Variants in LIMCH1 observed in about 807,000 individuals in gnomAD.
The protein encoded by LIMCH1 is LIM and calponin homology domains 1, also known as LIM and calponin homology domains-containing protein 1.
Under a neutral mutation model 176.5 loss-of-function variants are expected in LIMCH1, and 113 were observed. That is an observed-to-expected ratio of 0.64 (90% CI 0.55 to 0.75). The LOEUF (loss-of-function observed/expected upper bound fraction) is 0.75. Ranked by LOEUF, LIMCH1 falls within the 30% of genes least tolerant of loss-of-function variation. LIMCH1 has a pLI of 0.00. For missense variants in LIMCH1, 1,674 were observed against 1,814.9 expected, an observed-to-expected ratio of 0.92 and a Z score of 1.41; for synonymous variants, 619 against 645.9, an observed-to-expected ratio of 0.96 and a Z score of 0.63.
At chr4:41,421,698 A>G (rs1264792697) in intron 1 of LIMCH1, among the ~76,000 whole-genome samples, 1 of 152,218 alleles carries the variant, frequency 6.6e-6, no homozygotes, top group Non-Finnish European at 1.5e-5. Context: ...TGAAAGTGTT[A>G]TTTCCAATAT....
chr4:41,434,167 G>A lies in LIMCH1; in HGVS notation c.97-60369G>A, dbSNP rs545309610. 1.4e-4 allele frequency among the ~76,000 whole-genome samples: 22 copies of A among 152,302 alleles called. No homozygotes were observed. The South Asian group carries it at 4.6e-3, about 32-fold the overall frequency. On this transcript the variant is annotated intron_variant, in intron 1 of 26. Transcript: ENST00000313860. ...CCAGATGTTCTGGAATTCTTCCAAG[G>A]GAGGTCTCAGAAGGCAGCTGAGTTA...
intron 28 of LIMCH1, 79 bp from the exon 29 acceptor site, chr4:41,687,761 T>G: frequency 1.2e-6 from 1 of 852,556 alleles, no homozygotes; most frequent in Middle Eastern, 2.4e-4. Flanking sequence ...TTTATTTTCC[T>G]AATCTAAAAT....
chr4:41,594,300 CT>C (rs1406637101), intron 1 of LIMCH1, among the ~76,000 whole-genome samples: 1 of 152,154 alleles, frequency 6.6e-6, no homozygotes, highest in Non-Finnish European at 1.5e-5. Context: ...CCTTTAAAAA[CT>C]TCTTGCAAAG....
chr4:41,588,494 A>G (rs903298100), intron 1 of LIMCH1, among the ~76,000 whole-genome samples: 1 of 152,176 alleles, frequency 6.6e-6, no homozygotes, highest in Non-Finnish European at 1.5e-5. Flanking sequence ...AGGCCCAATC[A>G]TGGCAGCATT....
chr4:41,421,205 T>C (rs1176822035), intron 1 of LIMCH1, among the ~76,000 whole-genome samples: 1 of 152,222 alleles, frequency 6.6e-6, no homozygotes. Context: ...ACTTGGTTCC[T>C]TATGGTAAAG....
chr4:41,481,706 TTGG>T (rs1426129063), intron 1 of LIMCH1, among the ~76,000 whole-genome samples: 4 of 152,082 alleles, frequency 2.6e-5, no homozygotes, highest in Non-Finnish European at 5.9e-5. Context: ...GTTATTCTTC[TTGG>T]TGGTTTGAAT....
At chr4:41,383,296 G>C (rs971749159) in intron 1 of LIMCH1, among the ~76,000 whole-genome samples, 2 of 152,178 alleles carry the variant, frequency 1.3e-5, no homozygotes, top group Non-Finnish European at 2.9e-5. Context: ...CTAGTGGGGA[G>C]ACACACAGAT....
At chr4:41,552,137 T>A (rs1228129143) in intron 1 of LIMCH1, among the ~76,000 whole-genome samples, 3 of 152,100 alleles carry the variant, frequency 2.0e-5, no homozygotes. Context: ...TTATTCACTA[T>A]CAGGAGAACA....
In LIMCH1 at chr4:41,371,253, G is replaced by A. The variant is rs75095055; in HGVS notation, c.96+10317G>A. On this transcript the variant is annotated intron_variant, in intron 1 of 26. Transcript: ENST00000313860. Reference sequence around the variant, plus strand: ...GAGCATCTTCTATATACATAGCACCGTTAGTTGCGAGGAAACAATTTCATC... The same window carrying A: ...GAGCATCTTCTATATACATAGCACCATTAGTTGCGAGGAAACAATTTCATC... 4.5e-3 allele frequency among the ~76,000 whole-genome samples: 690 copies of A among 152,178 alleles called. 13 individuals are homozygous for A. Among genetic ancestry groups the A allele is most frequent in the African/African-American group, 0.016 (663 of 41,498 alleles).
chr4:41,684,635 C>A, intron 27 of LIMCH1, 117 bp downstream of exon 27: 1 of 1,109,294 alleles, frequency 9.0e-7, no homozygotes, highest in South Asian at 1.9e-5. Context: ...CCCTGGACTT[C>A]TAGCTTATGC....
chr4:41,393,390 G>A (rs1032320614), intron 1 of LIMCH1, among the ~76,000 whole-genome samples: 1 of 152,130 alleles, frequency 6.6e-6, no homozygotes, highest in Admixed American at 6.5e-5. Context: ...TCACTGTCAC[G>A]GCAATAAAGT....
At chr4:41,368,416 A>T (rs1038308205) in intron 1 of LIMCH1, among the ~76,000 whole-genome samples, 1 of 152,226 alleles carries the variant, frequency 6.6e-6, no homozygotes, top group Non-Finnish European at 1.5e-5. Context: ...AGGGGGACAG[A>T]GAGATTAAAC....
chr4:41,499,480 A>G (rs2072827696), intron 2 of LIMCH1, among the ~76,000 whole-genome samples: 1 of 152,238 alleles, frequency 6.6e-6, no homozygotes, highest in Non-Finnish European at 1.5e-5. Flanking sequence ...CCAGAATTAA[A>G]TGTTGCTAGT....
chr4:41,556,432 T>TCATAACATG (rs2152535406), intron 1 of LIMCH1, among the ~76,000 whole-genome samples: 1 of 147,044 alleles, frequency 6.8e-6, no homozygotes, highest in South Asian at 2.2e-4. Context: ...AAAGAAAATA[T>TCATAACATG]CATAACATGC....
chr4:41,657,599 AT>A (rs1300421894), intron 18 of LIMCH1, among the ~76,000 whole-genome samples: 4 of 152,166 alleles, frequency 2.6e-5, no homozygotes, highest in Admixed American at 6.5e-5. Context: ...TGTATAAAGT[AT>A]TTTTAAGTGG....
Position 41,381,545 on chromosome 4 carries a change from C to G in LIMCH1, c.96+20609C>G, listed in dbSNP as rs144014933. ...CTTGCCAAGTGACTGCCGTTCTTCT[C>G]CCTGAAGAGGTGGAGTCTGTTTCCT... On this transcript the variant is annotated intron_variant, in intron 1 of 26. Coordinates refer to the LIMCH1 transcript ENST00000313860. Among the ~76,000 whole-genome samples, 7 of 152,282 alleles carry G rather than the reference C, an allele frequency of 4.6e-5. No homozygotes were observed. The East Asian group carries it at 7.7e-4, about 17-fold the overall frequency.
intron 1 of LIMCH1, among the ~76,000 whole-genome samples, chr4:41,472,721 C>T (rs1368135204): frequency 6.6e-6 from 1 of 152,252 alleles, no homozygotes; most frequent in East Asian, 1.9e-4. Context: ...ACACTGACCC[C>T]ACCCATTGGA....
chr4:41,547,863 G>GTGTATGTATATATATATATA (rs774873739), intron 1 of LIMCH1, among the ~76,000 whole-genome samples: 2 of 93,220 alleles, frequency 2.1e-5, no homozygotes, highest in African/African-American at 8.7e-5. Flanking sequence ...TTGTGTGTGT[G>GTGTATGTATATATATATATA]TATATATATA....
chr4:41,673,038 C>A (rs184515086), intron 22 of LIMCH1, among the ~76,000 whole-genome samples: 112 of 152,264 alleles, frequency 7.4e-4, no homozygotes, highest in African/African-American at 2.6e-3. Flanking sequence ...AGAGGCCCAC[C>A]ATAGTCAATA....
Sources: gnomAD v4.1 joint callset for allele counts (sites outside exome capture counted in the v4.1 genomes callset) on GRCh38, gnomAD v4.1.1 for gene constraint, MANE v1.5 for transcripts, NCBI Gene and HGNC (gene_info 2026-07-23, HGNC 2026-07-21) for gene names.